Variants in SLC20A2 observed in about 807,000 individuals in gnomAD.
SLC20A2 encodes solute carrier family 20 member 2, also known as sodium-dependent phosphate transporter 2.
In SLC20A2, 30 loss-of-function variants were observed where a neutral mutation model predicts 61.0. That is an observed-to-expected ratio of 0.49 (90% CI 0.37 to 0.67). The LOEUF (loss-of-function observed/expected upper bound fraction) is 0.67, where lower values mean the gene tolerates loss of function less well. SLC20A2 is among the 30% of genes least tolerant of loss of function. The pLI, the probability that SLC20A2 is intolerant of heterozygous loss-of-function variation, is 0.00. For missense variants in SLC20A2, 626 were observed against 866.4 expected (o/e 0.72, Z 3.48); for synonymous variants, 351 against 353.3 (o/e 0.99, Z 0.07).
In SLC20A2 at chr8:42,489,186, G is replaced by A. The variant is rs762968554; in HGVS notation, c.-265+11845C>T. ...ACTCCTGACTTCGGGTGATCCACCC[G>A]CTTCGGCCTCCCAAAGTGCTGGGAT... is the stretch of plus-strand genomic sequence containing the variant. On this transcript the variant is annotated intron_variant, in intron 1 of 10. Coordinates refer to ENST00000520262, the MANE Select transcript of SLC20A2 (RefSeq NM_001257180.2). 8.5e-5 allele frequency among the ~76,000 whole-genome samples: 13 copies of A among 152,158 alleles called. No individual in the cohort carries two copies. The South Asian group carries it at 1.0e-3, about 12-fold the overall frequency.
chr8:42,505,826 G>A (rs893254132), upstream of SLC20A2, among the ~76,000 whole-genome samples: 20 of 151,740 alleles, frequency 1.3e-4, no homozygotes, highest in Admixed American at 2.6e-4. Context: ...GGGAGGCGGG[G>A]GTTGCAGTGA....
exon 1 of SLC20A2, chr8:42,541,882 C>G (rs1217774620): frequency 6.6e-6 from 1 of 152,102 alleles, no homozygotes; most frequent in Non-Finnish European, 1.5e-5. Flanking sequence ...GGCGCGGAGC[C>G]CCTCGGCGTC....
intron 1 of SLC20A2, among the ~76,000 whole-genome samples, chr8:42,475,557 C>A (rs1368356081): frequency 6.6e-6 from 1 of 151,898 alleles, no homozygotes; most frequent in Non-Finnish European, 1.5e-5. Flanking sequence ...TTACAGGCAC[C>A]CGCCATCATG....
At chr8:42,436,148 TCTC>T (rs1804235927) in intron 8 of SLC20A2, among the ~76,000 whole-genome samples, 1 of 151,838 alleles carries the variant, frequency 6.6e-6, no homozygotes, top group Non-Finnish European at 1.5e-5. Context: ...CCTAGGAAGT[TCTC>T]CTAGCGTCCT....
chr8:42,476,758 C>T (rs1808141103), intron 1 of SLC20A2, among the ~76,000 whole-genome samples: 1 of 152,322 alleles, frequency 6.6e-6, no homozygotes, highest in East Asian at 1.9e-4. Flanking sequence ...CCAGCAAGCA[C>T]CTGCCTGAGG....
At chr8:42,523,383 A>C (rs1232289874) in intron 1 of SLC20A2, among the ~76,000 whole-genome samples, 3 of 152,218 alleles carry the variant, frequency 2.0e-5, no homozygotes, top group Admixed American at 2.0e-4. Flanking sequence ...GCATATTTTA[A>C]CAGTATGTGA....
chr8:42,540,311 A>C (rs1317354655), intron 1 of SLC20A2, among the ~76,000 whole-genome samples: 1 of 152,188 alleles, frequency 6.6e-6, no homozygotes, highest in Non-Finnish European at 1.5e-5. Flanking sequence ...AACAATAACA[A>C]TAATGTACAC....
intron 3 of SLC20A2, among the ~76,000 whole-genome samples, chr8:42,464,484 T>C (rs1362828681): frequency 1.3e-5 from 2 of 151,984 alleles, no homozygotes; most frequent in Non-Finnish European, 2.9e-5. Context: ...CCCAAGACTA[T>C]GAACTCCTGG....
At chr8:42,435,318 A>C (rs1053355013) in intron 8 of SLC20A2, among the ~76,000 whole-genome samples, 9 of 152,138 alleles carry the variant, frequency 5.9e-5, no homozygotes, top group African/African-American at 1.7e-4. Context: ...ACTGACTGCG[A>C]CAGAAGACGA....
At chr8:42,526,440 A>G (rs564338551) in intron 1 of SLC20A2, among the ~76,000 whole-genome samples, 20 of 152,034 alleles carry the variant, frequency 1.3e-4, no homozygotes, top group East Asian at 7.7e-4. Flanking sequence ...TTGGGAGGCC[A>G]AGGTGGGCGG....
intron 1 of SLC20A2, among the ~76,000 whole-genome samples, chr8:42,519,990 C>A (rs1811545304): frequency 6.7e-6 from 1 of 149,930 alleles, no homozygotes; most frequent in Admixed American, 6.7e-5. Context: ...TCCCAATTTC[C>A]CAACTCTTTA....
At chr8:42,498,914 G>C (rs1032449904) in intron 1 of SLC20A2, among the ~76,000 whole-genome samples, 7 of 152,176 alleles carry the variant, frequency 4.6e-5, no homozygotes, top group Admixed American at 2.0e-4. Flanking sequence ...CCAGAGAAAA[G>C]GTTCCTCTCT....
At chr8:42,510,523 T>C (rs903053208) in intron 1 of SLC20A2, among the ~76,000 whole-genome samples, 1 of 152,232 alleles carries the variant, frequency 6.6e-6, no homozygotes, top group Non-Finnish European at 1.5e-5. Context: ...TATAAAATAC[T>C]AATTTTTGTG....
intron 1 of SLC20A2, among the ~76,000 whole-genome samples, chr8:42,538,783 C>T (rs1199358308): frequency 1.3e-5 from 2 of 152,374 alleles, no homozygotes; most frequent in East Asian, 1.9e-4. Context: ...GGAGCCAATG[C>T]TGTTATTACA....
chr8:42,443,556 C>T (rs1225014739), intron 6 of SLC20A2, among the ~76,000 whole-genome samples: 3 of 151,792 alleles, frequency 2.0e-5, no homozygotes, highest in Non-Finnish European at 4.4e-5. Flanking sequence ...CAACGAACTC[C>T]TGACCTCAGG....
rs1250757340 is a variant in SLC20A2, at chr8:42,437,333, A to G, written c.1179T>C (p.Ile393=). The G allele has an allele frequency of 1.2e-6, 2 of 1,614,150 alleles. No homozygotes were observed. Among genetic ancestry groups the G allele is most frequent in the South Asian group, 2.2e-5 (2 of 91,084 alleles). Residue 393 remains isoleucine (I), a synonymous_variant, in exon 8 of 11, where the codon ATT becomes ATC. Transcript: ENST00000520262. The surrounding 1 kb of genome is among the most constrained non-coding windows in gnomAD (Gnocchi z 6.4). ...NNSYTCYTAA[I]CGLPVHATFR... is the part of the protein sequence containing the mutation. ...AGGTGGCGTGCACTGGCAGCCCACA[A>G]ATGGCTGCGGTGTAGCAGGTGTAAC...
intron 1 of SLC20A2, among the ~76,000 whole-genome samples, chr8:42,519,973 A>G (rs982487942): frequency 6.7e-6 from 1 of 148,526 alleles, no homozygotes; most frequent in African/African-American, 2.5e-5. Flanking sequence ...TAGTCAATTA[A>G]TGAGTTTCCC....
At chr8:42,534,904 T>C (rs979665506) in intron 1 of SLC20A2, 1 of 152,214 alleles carries the variant, frequency 6.6e-6, no homozygotes, top group African/African-American at 2.4e-5. Context: ...AGTAAAACTC[T>C]GAGCCTAAGT....
intron 8 of SLC20A2, among the ~76,000 whole-genome samples, chr8:42,434,874 G>C (rs964890927): frequency 6.6e-6 from 1 of 152,152 alleles, no homozygotes; most frequent in Admixed American, 6.6e-5. Context: ...GTGAATGTGC[G>C]TGAGTCCATG....
Sources: allele counts gnomAD v4.1 joint callset (sites outside exome capture counted in the v4.1 genomes callset), GRCh38; gene constraint gnomAD v4.1.1; non-coding constraint Gnocchi (gnomAD v3.1); transcripts MANE v1.5; gene names NCBI Gene and HGNC (gene_info 2026-07-23, HGNC 2026-07-21).